The following NRXN1 variants were observed in gnomAD, a reference collection of about 807,000 sequenced individuals.
NRXN1 encodes neurexin-1.
A neutral mutation model predicts 150.9 loss-of-function variants in NRXN1; 39 were observed. The ratio of observed to expected loss-of-function variants is 0.26; its 90% CI spans 0.20 to 0.34. The LOEUF (loss-of-function observed/expected upper bound fraction) is 0.34. Among genes scored for constraint, NRXN1 ranks in the 10% least tolerant of loss-of-function variants. The probability of loss-of-function intolerance (pLI) is 1.00; values close to 1 mark genes in which losing one functional copy is unlikely to be tolerated. For synonymous variants in NRXN1, 924 were observed against 757.0 expected (o/e 1.22, Z -3.62); for missense variants, 1,815 against 1,949.9 (o/e 0.93, Z 1.30).
chr2:50,668,490 T>C (rs1032136103), intron 5 of NRXN1, among the ~76,000 whole-genome samples: 8 of 151,990 alleles, frequency 5.3e-5, no homozygotes, highest in African/African-American at 1.4e-4. Flanking sequence ...GAAAATGCAT[T>C]GATTATGGGA....
At chr2:49,973,242 A>G (rs1398560745) in intron 21 of NRXN1, among the ~76,000 whole-genome samples, 1 of 152,200 alleles carries the variant, frequency 6.6e-6, no homozygotes, top group East Asian at 1.9e-4. Context: ...TATTGTTGAA[A>G]TAATCAAAAT....
At position 50,475,874 on chromosome 2, in the gene NRXN1, T is replaced by A. The variant is rs907684985; in HGVS notation, c.3071-3403A>T. Among the ~76,000 whole-genome samples the A allele has an allele frequency of 6.1e-5, 9 of 148,380 alleles. No homozygotes were observed. The East Asian group carries it at 1.2e-3, about 20-fold the overall frequency. On this transcript the variant is annotated intron_variant, in intron 15 of 22. Transcript: ENST00000401669. ...TTTTTGATCCTTGAAGTGACGGGTT[T>A]AAAAAAAAAAAATGACCCATTAGCA...
chr2:50,444,348 C>T (rs1410432413), intron 17 of NRXN1, among the ~76,000 whole-genome samples: 1 of 152,150 alleles, frequency 6.6e-6, no homozygotes, highest in African/African-American at 2.4e-5. Flanking sequence ...ATGCAATTAA[C>T]TCCCTGGTTG....
intron 19 of NRXN1, among the ~76,000 whole-genome samples, chr2:50,089,380 T>C (rs920107631): frequency 4.6e-5 from 7 of 152,226 alleles, no homozygotes; most frequent in African/African-American, 1.7e-4. Context: ...TTTCATGGCA[T>C]CCAGTGTGAT....
chr2:50,021,386 G>T (rs1209519059), intron 21 of NRXN1, among the ~76,000 whole-genome samples: 2 of 152,150 alleles, frequency 1.3e-5, no homozygotes, highest in African/African-American at 2.4e-5. Context: ...ACTTCTTTTG[G>T]TTGGAAAATG....
intron 5 of NRXN1, among the ~76,000 whole-genome samples, chr2:50,889,080 C>T (rs1680679778): frequency 6.6e-6 from 1 of 151,702 alleles, no homozygotes; most frequent in Non-Finnish European, 1.5e-5. Context: ...TGTTTAATCA[C>T]AACTTGATCA....
chr2:50,690,234 G>A (rs149473137), intron 5 of NRXN1, among the ~76,000 whole-genome samples: 66 of 152,224 alleles, frequency 4.3e-4, no homozygotes, highest in African/African-American at 1.5e-3. Flanking sequence ...TTTCCAACCT[G>A]TAAAATTTGC....
chr2:50,530,201 GTATT>G (rs1558887792), intron 11 of NRXN1, among the ~76,000 whole-genome samples: 2 of 152,072 alleles, frequency 1.3e-5, no homozygotes, highest in Admixed American at 6.6e-5. Context: ...TTTGGGCAGA[GTATT>G]TATTCTTCCT....
chr2:50,130,127 T>C (rs560482712), intron 18 of NRXN1, among the ~76,000 whole-genome samples: 2 of 152,186 alleles, frequency 1.3e-5, no homozygotes, highest in East Asian at 1.9e-4. Flanking sequence ...CACAGTTTTG[T>C]CGCTTCTTTC....
intron 17 of NRXN1, among the ~76,000 whole-genome samples, chr2:50,395,007 C>G (rs2081969129): frequency 6.6e-6 from 1 of 151,986 alleles, no homozygotes; most frequent in South Asian, 2.1e-4. Context: ...AAAGAAGCCT[C>G]TCATAATTTT....
At chr2:50,167,740 G>A (rs2059774998) in intron 18 of NRXN1, among the ~76,000 whole-genome samples, 2 of 152,098 alleles carry the variant, frequency 1.3e-5, no homozygotes, top group East Asian at 3.9e-4. Context: ...AAATTTTGAT[G>A]CCTAGTTTCT....
intron 5 of NRXN1, among the ~76,000 whole-genome samples, chr2:50,692,997 C>G (rs2352074): frequency 0.36 from 54,853 of 151,958 alleles, 10,216 homozygotes; most frequent in Non-Finnish European, 0.41. Flanking sequence ...TTATCAGTTA[C>G]TGTGTCAATG....
intron 5 of NRXN1, among the ~76,000 whole-genome samples, chr2:50,839,850 G>A (rs1418331034): frequency 6.6e-6 from 1 of 152,074 alleles, no homozygotes; most frequent in African/African-American, 2.4e-5. Context: ...AATAAGGCGG[G>A]GAGCAAAATT....
chr2:50,354,226 A>T (rs2078625987), intron 17 of NRXN1, among the ~76,000 whole-genome samples: 1 of 152,074 alleles, frequency 6.6e-6, no homozygotes, highest in Non-Finnish European at 1.5e-5. Context: ...TGTAACTATA[A>T]ATTCTCTTTA....
At chr2:50,181,171 T>C (rs2060687718) in intron 18 of NRXN1, among the ~76,000 whole-genome samples, 1 of 152,104 alleles carries the variant, frequency 6.6e-6, no homozygotes, top group South Asian at 2.1e-4. Flanking sequence ...AAGTGCATGA[T>C]GATATTTACT....
At chr2:50,373,678 GAA>G (rs779166297) in intron 17 of NRXN1, among the ~76,000 whole-genome samples, 1 of 72,546 alleles carries the variant, frequency 1.4e-5, no homozygotes, top group African/African-American at 8.0e-5. Context: ...AAGAAAGAAA[GAA>G]AAGAAAGAAG....
At chr2:49,943,256 C>T (rs184944428) in intron 22 of NRXN1, among the ~76,000 whole-genome samples, 107 of 152,260 alleles carry the variant, frequency 7.0e-4, no homozygotes, top group South Asian at 8.3e-4. Context: ...CTCTCACTTC[C>T]GAAATTCAGA....
At chr2:50,536,037 A>T (rs1447954279) in intron 10 of NRXN1, among the ~76,000 whole-genome samples, 3 of 152,132 alleles carry the variant, frequency 2.0e-5, no homozygotes, top group Non-Finnish European at 4.4e-5. Flanking sequence ...TGGAGAAGAA[A>T]CTCTGTCAAA....
intron 17 of NRXN1, among the ~76,000 whole-genome samples, chr2:50,294,700 C>T (rs923523736): frequency 6.6e-6 from 1 of 152,162 alleles, no homozygotes; most frequent in South Asian, 2.1e-4. Context: ...TGAGGTACAT[C>T]CTGCCTTGTT....
Sources: gnomAD v4.1 joint callset for allele counts (sites outside exome capture counted in the v4.1 genomes callset) on GRCh38, gnomAD v4.1.1 for gene constraint, MANE v1.5 for transcripts, NCBI Gene and HGNC (gene_info 2026-07-23, HGNC 2026-07-21) for gene names.